Variants in ERCC6L2 observed in about 807,000 individuals in gnomAD.
The protein encoded by ERCC6L2 is DNA excision repair protein ERCC-6-like 2.
In ERCC6L2, 77 loss-of-function variants were observed where a neutral mutation model predicts 132.0. That is an observed-to-expected ratio of 0.58 (90% CI 0.49 to 0.71). The LOEUF is 0.71. Among genes scored for constraint, ERCC6L2 ranks in the 30% least tolerant of loss-of-function variants. The pLI is 0.00. For synonymous variants in ERCC6L2, 583 were observed against 632.4 expected (o/e 0.92, Z 1.17); for missense variants, 1,542 against 1,837.6 (o/e 0.84, Z 2.94).
intron 15 of ERCC6L2, 92 bp from the exon 16 acceptor site, chr9:95,971,841 C>A: frequency 1.4e-6 from 1 of 736,884 alleles, no homozygotes; most frequent in Non-Finnish European, 1.9e-6. Flanking sequence ...ATACTTGTAC[C>A]TAAATTACCT....
intron 14 of ERCC6L2, chr9:95,968,034 A>G (rs1051244632): frequency 6.6e-6 from 1 of 152,238 alleles, no homozygotes; most frequent in East Asian, 1.9e-4. Flanking sequence ...CAAGTGTTAT[A>G]TAAGACATAT....
intron 2 of ERCC6L2, among the ~76,000 whole-genome samples, chr9:95,884,098 C>G (rs1034431700): frequency 6.6e-6 from 1 of 152,156 alleles, no homozygotes; most frequent in African/African-American, 2.4e-5. Flanking sequence ...TCCTGATACA[C>G]TGTAATCATT....
At position 95,972,742 on chromosome 9, in the gene ERCC6L2, A is replaced by G. The variant is rs563569291; in HGVS notation, c.2991A>G (p.Arg997=). 4 of 1,303,280 alleles carry G rather than the reference A, an allele frequency of 3.1e-6. No individual in the cohort carries two copies. The South Asian group carries it at 3.7e-5, about 12-fold the overall frequency. 80.7% of individuals were successfully genotyped at this position (1,303,280 alleles called of 1,614,324 possible). A position where few individuals can be genotyped will look rare whatever the true frequency, so the allele number is the denominator to read the frequency against. ...CTTCCAAGTCAAGAGTAAGAAAGAG[A>G]GCTAGTTCATTGAGGTTTAAGAGAA... ...EISSKSRVRK[R]ASSLRFKRIK... is the part of the protein sequence containing the mutation. The change falls in exon 16 of 19, where the codon AGA becomes AGG. Residue 997 remains arginine (R), a synonymous_variant. Coordinates refer to ENST00000653738, the MANE Select transcript of ERCC6L2 (RefSeq NM_020207.7).
intron 18 of ERCC6L2, among the ~76,000 whole-genome samples, chr9:96,008,876 TTTTG>T (rs1423961779): frequency 1.2e-4 from 18 of 152,354 alleles, no homozygotes; most frequent in African/African-American, 3.8e-4. Flanking sequence ...GCACTGAATC[TTTTG>T]TTTATCTGCT....
At position 96,029,319 on chromosome 9, in the gene ERCC6L2, A is replaced by C. The variant is rs200178793; in HGVS notation, c.*1504-9557A>C. Reference sequence around the variant, plus strand: ...ACTCCGTCTCAAAAAAAAAAAAAAAAAAAACAAAAAAAAAATTAGGATGGT... The same window carrying C: ...ACTCCGTCTCAAAAAAAAAAAAAAACAAAACAAAAAAAAAATTAGGATGGT... On this transcript the variant is annotated intron_variant and NMD_transcript_variant, in intron 19 of 20. Coordinates refer to the ERCC6L2 transcript ENST00000670016. 9.6e-3 allele frequency among the ~76,000 whole-genome samples: 1,366 copies of C among 142,358 alleles called. 18 individuals are homozygous for C. The highest frequency in any genetic ancestry group is 0.027 in the African/African-American group (1,037 of 38,108). 93.4% of individuals were successfully genotyped at this position (142,358 alleles called of 152,430 possible).
At chr9:96,033,064 A>C (rs1482239268) in intron 19 of ERCC6L2, among the ~76,000 whole-genome samples, 1 of 152,114 alleles carries the variant, frequency 6.6e-6, no homozygotes, top group African/African-American at 2.4e-5. Flanking sequence ...AATCCTATAA[A>C]TGTAATGTAT....
intron 17 of ERCC6L2, among the ~76,000 whole-genome samples, chr9:96,001,666 C>G (rs1833684536): frequency 6.6e-6 from 1 of 152,268 alleles, no homozygotes; most frequent in Non-Finnish European, 1.5e-5. Context: ...CCCAGTGGAT[C>G]CCGCACCGGG....
intron 5 of ERCC6L2, among the ~76,000 whole-genome samples, 180 bp downstream of exon 5, chr9:95,916,009 A>C (rs1367214304): frequency 1.3e-5 from 2 of 151,890 alleles, no homozygotes; most frequent in African/African-American, 4.8e-5. Context: ...TATATATATT[A>C]CTCTTGGTCC....
chr9:96,026,268 T>C (rs770669863), intron 19 of ERCC6L2, among the ~76,000 whole-genome samples: 16 of 152,300 alleles, frequency 1.1e-4, no homozygotes, highest in Non-Finnish European at 2.4e-4. Flanking sequence ...GGGAACAGGC[T>C]CCTGTCCTGC....
intron 13 of ERCC6L2, among the ~76,000 whole-genome samples, chr9:95,963,789 A>C (rs1350387972): frequency 2.0e-5 from 3 of 152,070 alleles, no homozygotes; most frequent in Non-Finnish European, 1.5e-5. Context: ...CCTTCAGTCT[A>C]GGTCCATTTG....
intron 17 of ERCC6L2, among the ~76,000 whole-genome samples, chr9:96,002,277 C>T (rs1453174785): frequency 6.6e-6 from 1 of 151,912 alleles, no homozygotes; most frequent in African/African-American, 2.4e-5. Flanking sequence ...CACGCTGTCA[C>T]CTCTCAATAG....
intron 17 of ERCC6L2, among the ~76,000 whole-genome samples, chr9:96,001,725 T>C (rs1833687969): frequency 6.6e-6 from 1 of 152,250 alleles, no homozygotes; most frequent in Admixed American, 6.5e-5. Flanking sequence ...CTCGCATTCC[T>C]CAGCCCTTGG....
In ERCC6L2 at chr9:95,922,407, T is replaced by A; in HGVS notation, c.1402T>A (p.Ser468Thr). ...HVALLQAASTSKQQETLIKRI... is the reference protein window; with the variant it reads ...HVALLQAASTTKQQETLIKRI... Reference sequence around the variant, plus strand: ...CGCGCTACTGCAAGCTGCTAGTACTTCCAAACAACAGGTTTGGTTAGCATT... The same window carrying A: ...CGCGCTACTGCAAGCTGCTAGTACTACCAAACAACAGGTTTGGTTAGCATT... Residue 468 changes from serine (S) to threonine (T), a missense_variant, in exon 8 of 19, where the codon TCC becomes ACC. This residue lies in a region of ERCC6L2 where 945 missense variants were observed against 1,105.2 expected (regional missense o/e 0.86). Coordinates refer to ENST00000653738, the MANE Select transcript of ERCC6L2 (RefSeq NM_020207.7). The A allele has an allele frequency of 6.2e-7, 1 of 1,601,110 alleles. No homozygotes were observed. Among genetic ancestry groups the A allele is most frequent in the Non-Finnish European group, 8.6e-7 (1 of 1,168,812 alleles).
intron 19 of ERCC6L2, among the ~76,000 whole-genome samples, chr9:96,035,456 G>A (rs1834508747): frequency 6.6e-6 from 1 of 152,158 alleles, no homozygotes; most frequent in African/African-American, 2.4e-5. Context: ...GGCAGGGAGA[G>A]GTTAGAATGG....
intron 11 of ERCC6L2, among the ~76,000 whole-genome samples, chr9:95,934,588 CTG>C (rs1254382247): frequency 1.3e-5 from 2 of 152,052 alleles, no homozygotes; most frequent in African/African-American, 4.8e-5. Context: ...CAAAAAGACT[CTG>C]TAGCATGAAT....
chr9:95,962,406 C>A (rs527925819), intron 13 of ERCC6L2, among the ~76,000 whole-genome samples: 1 of 152,168 alleles, frequency 6.6e-6, no homozygotes, highest in South Asian at 2.1e-4. Flanking sequence ...TGAAGGATGA[C>A]AAGGGCTTTT....
Position 96,002,571 on chromosome 9 carries a change from G to A in ERCC6L2, c.3493-1949G>A, listed in dbSNP as rs115072979. On this transcript the variant is annotated intron_variant, in intron 17 of 18. Transcript: ENST00000653738. The stretch of plus-strand genomic sequence containing the variant: ...AGAGTAGCTGGGACTACAGGGGCAC[G>A]CCACCGCACCAAGCTAGTTTTTGTA... Among the ~76,000 whole-genome samples the A allele has an allele frequency of 3.6e-3, 544 of 152,098 alleles. 6 individuals are homozygous for A. Among genetic ancestry groups the A allele is most frequent in the African/African-American group, 0.013 (521 of 41,484 alleles).
intron 2 of ERCC6L2, among the ~76,000 whole-genome samples, chr9:95,883,229 T>A (rs1239333728): frequency 6.6e-6 from 1 of 152,172 alleles, no homozygotes; most frequent in East Asian, 1.9e-4. Context: ...CATACATTGT[T>A]ACATTTCTTC....
intron 9 of ERCC6L2, among the ~76,000 whole-genome samples, chr9:95,927,721 A>G (rs902173687): frequency 9.9e-5 from 15 of 152,196 alleles, no homozygotes; most frequent in Admixed American, 3.3e-4. Context: ...ATGCTGCTCT[A>G]TAATTTAGTT....
Sources: allele counts gnomAD v4.1 joint callset (sites outside exome capture counted in the v4.1 genomes callset), GRCh38; gene constraint gnomAD v4.1.1; regional missense constraint gnomAD v4.1.1; transcripts MANE v1.5; gene names NCBI Gene and HGNC (gene_info 2026-07-23, HGNC 2026-07-21).